Variants in BBS1 observed in about 807,000 individuals in gnomAD.
BBS1 encodes the protein BBSome complex member BBS1.
A neutral mutation model predicts 73.9 loss-of-function variants in BBS1; 60 were observed. The observed-to-expected ratio is 0.81, with a 90% CI of 0.66 to 1.01. BBS1 has a LOEUF of 1.01. Among genes scored for constraint, BBS1 ranks in the 50% least tolerant of loss-of-function variants. The pLI is 0.00. For missense variants in BBS1, 718 were observed against 770.3 expected (o/e 0.93, Z 0.80); for synonymous variants, 283 against 317.4 (o/e 0.89, Z 1.15).
chr11:66,528,050 G>A (rs1856597442), intron 13 of BBS1, among the ~76,000 whole-genome samples: 1 of 152,092 alleles, frequency 6.6e-6, no homozygotes. Flanking sequence ...GGCCAACATG[G>A]TGAAACCCCC....
chr11:66,523,466 C>A lies in BBS1; in HGVS notation c.841C>A (p.His281Asn), dbSNP rs1329996185. Residue 281 changes from histidine to asparagine, a missense_variant, in exon 10 of 17, where the codon CAC becomes AAC. Transcript: ENST00000318312. ...TTGTTTATTCCACAGAGACTCCAAG[C>A]ACCCCAAGTACTGCATCGAGCTGAG... Reference protein sequence around the residue: ...NIYILRRDSKHPKYCIELSAQ... With the variant: ...NIYILRRDSKNPKYCIELSAQ... The A allele has an allele frequency of 6.2e-7, 1 of 1,614,016 alleles. No individual in the cohort carries two copies. Among genetic ancestry groups the A allele is most frequent in the Non-Finnish European group, 8.5e-7 (1 of 1,180,020 alleles).
intron 11 of BBS1, among the ~76,000 whole-genome samples, chr11:66,524,752 A>C (rs1856410111): frequency 6.6e-6 from 1 of 152,194 alleles, no homozygotes; most frequent in South Asian, 2.1e-4. Context: ...TTTTAAAAAT[A>C]GAATAGTAAA....
In BBS1 at chr11:66,533,376, A is replaced by G. The variant is rs1016928591; in HGVS notation, c.*1339A>G. 6.6e-6 allele frequency: 1 copy of G among 152,220 alleles called. No homozygotes were observed. The highest frequency in any genetic ancestry group is 1.5e-5 in the Non-Finnish European group (1 of 68,042). The allele number at this position is 152,220 out of a possible 1,614,324, so 9.4% of individuals were successfully genotyped here. ...GCAGTCACTTCCAGTTCATTCAGCT[A>G]TTTTTAAAATGTGCTTATATGACTC... On this transcript the variant is annotated 3_prime_UTR_variant, in exon 17 of 17. Transcript: ENST00000318312.
At chr11:66,529,541 A>T in intron 13 of BBS1, 2 of 708,826 alleles carry the variant, frequency 2.8e-6, no homozygotes, top group South Asian at 3.0e-5. Flanking sequence ...GACTCAGGAG[A>T]ACACCAGCCT....
At chr11:66,527,843 G>A (rs1202122289) in intron 13 of BBS1, 1 of 152,392 alleles carries the variant, frequency 6.6e-6, no homozygotes, top group African/African-American at 2.4e-5. Context: ...TCAGAGCGAG[G>A]TGACTTTGGG....
chr11:66,530,856 C>G (rs751456406), intron 14 of BBS1, 38 bp from the exon 15 acceptor site: 2 of 1,614,208 alleles, frequency 1.2e-6, no homozygotes, highest in Non-Finnish European at 1.7e-6. Context: ...CCAAGGCTGC[C>G]AGGTCCTAAG....
intron 7 of BBS1, among the ~76,000 whole-genome samples, chr11:66,518,426 T>G (rs1214175705): frequency 6.6e-6 from 1 of 151,316 alleles, no homozygotes; most frequent in Non-Finnish European, 1.5e-5. Context: ...CCTGGGCTAA[T>G]GGTTGTATTT....
intron 15 of BBS1, among the ~76,000 whole-genome samples, chr11:66,531,287 G>A (rs113353366): frequency 2.0e-5 from 3 of 152,336 alleles, no homozygotes; most frequent in African/African-American, 7.2e-5. Flanking sequence ...TGGGAAAACT[G>A]CTAGAGCCTG....
chr11:66,531,765 G>C, intron 16 of BBS1, 23 bp downstream of exon 16: 2 of 1,613,992 alleles, frequency 1.2e-6, no homozygotes, highest in African/African-American at 2.7e-5. Flanking sequence ...CTTGTACCAC[G>C]TGGAAGGTGA....
chr11:66,523,297 C>T, intron 9 of BBS1, 159 bp from the exon 10 acceptor site: 1 of 1,001,212 alleles, frequency 1.0e-6, no homozygotes, highest in Non-Finnish European at 1.6e-6. Context: ...CAAGGCCACA[C>T]ATTTACTAAG....
At chr11:66,522,498 C>G (rs931547663) in intron 9 of BBS1, among the ~76,000 whole-genome samples, 1 of 151,784 alleles carries the variant, frequency 6.6e-6, no homozygotes, top group Non-Finnish European at 1.5e-5. Context: ...CAGGTGCGTG[C>G]CACCACACCC....
At chr11:66,527,169 T>TC in intron 13 of BBS1, 1 of 629,828 alleles carries the variant, frequency 1.6e-6, no homozygotes, top group Non-Finnish European at 2.8e-6. Context: ...GCCCAGGAGT[T>TC]CAAGACCTAC....
chr11:66,519,520 C>A, intron 7 of BBS1, 97 bp from the exon 8 acceptor site: 1 of 1,540,722 alleles, frequency 6.5e-7, no homozygotes, highest in Non-Finnish European at 8.9e-7. Context: ...CCTCTTCATC[C>A]TCCTTTGCCC....
In BBS1 at chr11:66,529,897, C is replaced by T. The variant is rs1401831551; in HGVS notation, c.1418C>T (p.Ser473Phe). 1.2e-6 allele frequency: 2 copies of T among 1,607,698 alleles called. No individual in the cohort carries two copies. Among genetic ancestry groups the T allele is most frequent in the Admixed American group, 1.7e-5 (1 of 59,978 alleles). ...CGCGCCTACCTGCAGGCCCTCGAGTCCAGCCTGAGCCCCCTGTCCACGACA... is the reference window on the plus strand; with the variant it reads ...CGCGCCTACCTGCAGGCCCTCGAGTTCAGCCTGAGCCCCCTGTCCACGACA... ...AARAYLQALE[S>F]SLSPLSTTAR... Residue 473 changes from serine (S) to phenylalanine (F), a missense_variant, in exon 14 of 17, where the codon TCC becomes TTC. Ser to Phe is a radical substitution (Grantham distance 155). Transcript: ENST00000318312.
chr11:66,518,575 C>T (rs1211254033), intron 7 of BBS1, among the ~76,000 whole-genome samples: 1 of 151,826 alleles, frequency 6.6e-6, no homozygotes, highest in East Asian at 1.9e-4. Flanking sequence ...CAGCGATTCT[C>T]CTGCCTCAGC....
intron 3 of BBS1, among the ~76,000 whole-genome samples, chr11:66,512,540 C>G (rs1855974958): frequency 6.6e-6 from 1 of 152,182 alleles, no homozygotes; most frequent in South Asian, 2.1e-4. Context: ...GGACACTACA[C>G]TCAGAAATGC....
intron 9 of BBS1, chr11:66,522,956 CA>C (rs1264429912): frequency 2.8e-6 from 1 of 359,128 alleles, no homozygotes; most frequent in Admixed American, 3.8e-5. Flanking sequence ...TAGGCCAACT[CA>C]AAGTGGGAAA....
chr11:66,526,156 G>A lies in BBS1; in HGVS notation c.1144G>A (p.Gly382Arg), dbSNP rs377297999. The A allele has an allele frequency of 3.8e-5, 62 of 1,614,068 alleles. No individual in the cohort carries two copies. The highest frequency in any genetic ancestry group is 4.2e-5 in the Non-Finnish European group (50 of 1,180,042). The part of the protein sequence containing the change: ...AVTSLCFGRY[G>R]REDNTLIMTT... The stretch of plus-strand genomic sequence containing the variant: ...GACCAGCCTTTGCTTTGGCCGGTAC[G>A]GGCGGGAGGACAACACCCTCATCAT... The change falls in exon 12 of 17, where the codon GGG (glycine) becomes AGG (arginine). Residue 382 changes from glycine (G) to arginine (R), a missense_variant. Transcript: ENST00000318312.
In BBS1 at chr11:66,515,908, A is replaced by G. The variant is rs749036245; in HGVS notation, c.566A>G (p.His189Arg). 4.3e-6 allele frequency: 7 copies of G among 1,614,148 alleles called. No individual in the cohort carries two copies. In the East Asian group the frequency reaches 1.6e-4, roughly 36 times the overall value. ...LSEMEAFVNQHKSNSIKRQTV... is the reference protein window; with the variant it reads ...LSEMEAFVNQRKSNSIKRQTV... ...GAAATGGAGGCATTTGTAAACCAAC[A>G]CAAGTCCAACTCCATCAAGCGGCAG... The change falls in exon 7 of 17, where the codon CAC becomes CGC. Residue 189 changes from histidine to arginine, a missense_variant. Coordinates refer to ENST00000318312, the MANE Select transcript of BBS1 (RefSeq NM_024649.5).
Sources: gnomAD v4.1 joint callset for allele counts (sites outside exome capture counted in the v4.1 genomes callset) on GRCh38, gnomAD v4.1.1 for gene constraint, MANE v1.5 for transcripts, NCBI Gene and HGNC (gene_info 2026-07-23, HGNC 2026-07-21) for gene names.